Variants in PLEKHA7 observed in about 807,000 individuals in gnomAD.
PLEKHA7 encodes the protein pleckstrin homology domain containing A7, also known as pleckstrin homology domain-containing family A member 7.
A neutral mutation model predicts 170.0 loss-of-function variants in PLEKHA7; 104 were observed. The observed-to-expected ratio is 0.61, with a 90% CI of 0.52 to 0.72. The LOEUF is 0.72. Among genes scored for constraint, PLEKHA7 ranks in the 30% least tolerant of loss-of-function variants. The probability of loss-of-function intolerance (pLI) is 0.00; values close to 1 mark genes in which losing one functional copy is unlikely to be tolerated. For synonymous variants in PLEKHA7, 648 were observed against 660.8 expected (o/e 0.98, Z 0.30); for missense variants, 1,615 against 1,671.7 (o/e 0.97, Z 0.59).
chr11:16,830,872 T>G lies in PLEKHA7; in HGVS notation c.873-4282A>C, dbSNP rs919373511. ...CTGACCCTCAAATCATGGAGTCTGT[T>G]AGTCTTCCCTAAGCTTGGAGCTAAT... On this transcript the variant is annotated intron_variant, in intron 9 of 26. Transcript: ENST00000531066. Among the ~76,000 whole-genome samples the G allele has an allele frequency of 6.6e-5, 10 of 152,236 alleles. No individual in the cohort carries two copies. In the East Asian group the frequency reaches 1.9e-3, roughly 29 times the overall value.
chr11:16,904,785 T>G (rs1857548954), intron 3 of PLEKHA7, among the ~76,000 whole-genome samples: 1 of 152,176 alleles, frequency 6.6e-6, no homozygotes, highest in Non-Finnish European at 1.5e-5. Context: ...CTTTCAAATT[T>G]TAAAACTTCA....
In PLEKHA7 at chr11:16,968,351, G is replaced by A. The variant is rs186877778; in HGVS notation, c.221+45638C>T. ...CTCCACAGTGGGCCACATGGAAAAG[G>A]CTGCTCTCCAGCTCTACTCCTGCTC... On this transcript the variant is annotated intron_variant, in intron 3 of 26. Coordinates refer to ENST00000531066, the MANE Select transcript of PLEKHA7 (RefSeq NM_001329630.2). Among the ~76,000 whole-genome samples, 580 of 152,280 alleles carry A rather than the reference G, an allele frequency of 3.8e-3. 1 individual carries two copies. The highest frequency in any genetic ancestry group is 0.014 in the African/African-American group (561 of 41,530).
At chr11:16,828,863 G>A (rs766080971) in intron 9 of PLEKHA7, among the ~76,000 whole-genome samples, 47 of 152,288 alleles carry the variant, frequency 3.1e-4, no homozygotes, top group Admixed American at 2.2e-3. Flanking sequence ...CAACTATGTG[G>A]GAAGGCACTA....
In PLEKHA7 at chr11:16,815,109, C is replaced by A. The variant is rs146275162; in HGVS notation, c.1953+1069G>T. 51 of 152,962 alleles carry A rather than the reference C, an allele frequency of 3.3e-4. 1 individual carries two copies. In the East Asian group the frequency reaches 8.9e-3, roughly 27 times the overall value. The allele number at this position is 152,962 out of a possible 1,614,324, so 9.5% of individuals were successfully genotyped here. ...GCACAGACAGACCAGAGCATGGGCA[C>A]GAGCGAACGCGAGCCAGCATGTCAC... is the stretch of plus-strand genomic sequence containing the variant. On this transcript the variant is annotated intron_variant, in intron 12 of 26. Coordinates refer to ENST00000531066, the MANE Select transcript of PLEKHA7 (RefSeq NM_001329630.2).
chr11:16,945,306 T>C (rs910269539), intron 3 of PLEKHA7, among the ~76,000 whole-genome samples: 1 of 152,352 alleles, frequency 6.6e-6, no homozygotes, highest in South Asian at 2.1e-4. Context: ...TTCATTATCA[T>C]TATTCCTCCT....
chr11:17,008,252 C>A (rs1421423457), intron 3 of PLEKHA7, among the ~76,000 whole-genome samples: 1 of 152,230 alleles, frequency 6.6e-6, no homozygotes, highest in Non-Finnish European at 1.5e-5. Context: ...CTGGTTCCTG[C>A]CAGCACCCTT....
chr11:16,820,687 C>G (rs1054093957), intron 10 of PLEKHA7, among the ~76,000 whole-genome samples: 1 of 152,228 alleles, frequency 6.6e-6, no homozygotes, highest in Non-Finnish European at 1.5e-5. Context: ...ATACGCCCTT[C>G]CTGCCTGGCT....
intron 3 of PLEKHA7, among the ~76,000 whole-genome samples, chr11:16,930,932 C>A (rs771434451): frequency 6.6e-6 from 1 of 152,066 alleles, no homozygotes; most frequent in Non-Finnish European, 1.5e-5. Context: ...GGCTCCCTGC[C>A]GCACCTAAGC....
intron 23 of PLEKHA7, chr11:16,786,979 T>C (rs374368320): frequency 5.1e-5 from 50 of 985,410 alleles, no homozygotes; most frequent in Non-Finnish European, 6.0e-5. Flanking sequence ...CTATTTGAGA[T>C]AGATGTTTTC....
intron 13 of PLEKHA7, among the ~76,000 whole-genome samples, chr11:16,810,870 C>A (rs1849324523): frequency 6.6e-6 from 1 of 152,180 alleles, no homozygotes; most frequent in Admixed American, 6.5e-5. Flanking sequence ...CTGACACCCG[C>A]TAGCTGCTGT....
chr11:16,904,402 T>C (rs1343529495), intron 3 of PLEKHA7, among the ~76,000 whole-genome samples: 1 of 152,166 alleles, frequency 6.6e-6, no homozygotes, highest in Non-Finnish European at 1.5e-5. Flanking sequence ...TTGAGCAAAA[T>C]AAGGTGTTTA....
At position 16,874,552 on chromosome 11, in the gene PLEKHA7, G is replaced by A. The variant is rs187065142; in HGVS notation, c.222-3370C>T. 1.4e-4 allele frequency among the ~76,000 whole-genome samples: 21 copies of A among 152,232 alleles called. No individual in the cohort carries two copies. In the East Asian group the frequency reaches 3.7e-3, roughly 27 times the overall value. ...TGATAAGACTGGAACATGACTCCAG[G>A]TCTTCTATTTCTAAATTATATGTTC... is the stretch of plus-strand genomic sequence containing the variant. On this transcript the variant is annotated intron_variant, in intron 3 of 26. Transcript: ENST00000531066.
At chr11:16,960,745 C>T (rs931490662) in intron 3 of PLEKHA7, among the ~76,000 whole-genome samples, 11 of 152,146 alleles carry the variant, frequency 7.2e-5, no homozygotes, top group African/African-American at 1.7e-4. Flanking sequence ...CAAACAACAA[C>T]GACTGTGTAA....
At chr11:16,887,245 A>C (rs532262566) in intron 3 of PLEKHA7, among the ~76,000 whole-genome samples, 1 of 152,018 alleles carries the variant, frequency 6.6e-6, no homozygotes, top group Non-Finnish European at 1.5e-5. Context: ...CCAGGAGTTC[A>C]AGACCAGCAT....
chr11:16,982,180 A>G (rs113780909), intron 3 of PLEKHA7, among the ~76,000 whole-genome samples: 32 of 152,390 alleles, frequency 2.1e-4, no homozygotes, highest in African/African-American at 7.7e-4. Flanking sequence ...TGAATGGGGC[A>G]TAAAGAAACT....
chr11:17,013,362 C>G (rs1418860515), intron 3 of PLEKHA7: 1 of 152,472 alleles, frequency 6.6e-6, no homozygotes, highest in African/African-American at 2.4e-5. Flanking sequence ...AGCAATCCCC[C>G]GGTTCAGCTC....
chr11:16,813,060 C>G, intron 13 of PLEKHA7, 53 bp downstream of exon 13: 1 of 1,525,042 alleles, frequency 6.6e-7, no homozygotes, highest in Non-Finnish European at 9.1e-7. Flanking sequence ...AGTGAGGTGA[C>G]ACTCTCAGAA....
At chr11:16,800,500 G>A (rs1848523133) in intron 17 of PLEKHA7, among the ~76,000 whole-genome samples, 1 of 152,220 alleles carries the variant, frequency 6.6e-6, no homozygotes, top group Admixed American at 6.5e-5. Context: ...ACTGCCTGGA[G>A]ACCAGAGTGC....
chr11:16,974,225 C>T (rs1862908425), intron 3 of PLEKHA7, among the ~76,000 whole-genome samples: 1 of 150,934 alleles, frequency 6.6e-6, no homozygotes, highest in African/African-American at 2.4e-5. Context: ...CAGGATTGTG[C>T]CACCACACTC....
Sources: allele counts gnomAD v4.1 joint callset (sites outside exome capture counted in the v4.1 genomes callset), GRCh38; gene constraint gnomAD v4.1.1; transcripts MANE v1.5; gene names NCBI Gene and HGNC (gene_info 2026-07-23, HGNC 2026-07-21).